Variants in DMXL2 observed in about 807,000 individuals in gnomAD.
The protein encoded by DMXL2 is dmX-like protein 2.
DMXL2 carries 103 observed loss-of-function variants against 331.1 expected under a neutral mutation model. That is an observed-to-expected ratio of 0.31 (90% CI 0.27 to 0.37). The LOEUF (loss-of-function observed/expected upper bound fraction) is 0.37. Ranked by LOEUF, DMXL2 falls within the 10% of genes least tolerant of loss-of-function variation. DMXL2 has a pLI of 1.00. For missense variants in DMXL2, 3,171 were observed against 3,642.9 expected (o/e 0.87, Z 3.33); for synonymous variants, 1,281 against 1,252.1 (o/e 1.02, Z -0.49).
At chr15:51,519,291 A>AT (rs1339895167) in intron 13 of DMXL2, among the ~76,000 whole-genome samples, 4 of 151,700 alleles carry the variant, frequency 2.6e-5, no homozygotes, top group Non-Finnish European at 5.9e-5. Context: ...AAATTTTTTA[A>AT]TTTTTTTGTA....
chr15:51,571,802 T>C (rs2141101347), intron 2 of DMXL2, among the ~76,000 whole-genome samples: 1 of 152,180 alleles, frequency 6.6e-6, no homozygotes, highest in Middle Eastern at 3.4e-3. Flanking sequence ...TAGAGGGAAA[T>C]TTATAGCACT....
rs1020469416 is a variant in DMXL2, at chr15:51,558,867, T to C, written c.567+4514A>G. Among the ~76,000 whole-genome samples the C allele has an allele frequency of 4.6e-5, 7 of 152,254 alleles. No individual in the cohort carries two copies. In the East Asian group the frequency reaches 1.2e-3, roughly 25 times the overall value. On this transcript the variant is annotated intron_variant, in intron 6 of 43. Transcript: ENST00000560891. ...ATTTTTGTTACCGAATGCATTAATT[T>C]AAAAGTACATAATGTCTCTATCACA...
chr15:51,592,638 A>G (rs1022553476), intron 1 of DMXL2, among the ~76,000 whole-genome samples: 3 of 152,236 alleles, frequency 2.0e-5, no homozygotes, highest in Admixed American at 6.5e-5. Flanking sequence ...AGTTGAAATG[A>G]AGGAAAAAAT....
chr15:51,612,726 C>G (rs1475451167), intron 1 of DMXL2, among the ~76,000 whole-genome samples: 1 of 152,164 alleles, frequency 6.6e-6, no homozygotes, highest in Non-Finnish European at 1.5e-5. Context: ...TTCGGGCATG[C>G]ATTGTCATTG....
rs1445348787 is a variant in DMXL2, at chr15:51,542,390, G to A, written c.1048C>T (p.His350Tyr). 6.2e-7 allele frequency: 1 copy of A among 1,613,850 alleles called. No homozygotes were observed. The highest frequency in any genetic ancestry group is 8.5e-7 in the Non-Finnish European group (1 of 1,179,852). Reference sequence around the variant, plus strand: ...AAATGACAGAGTGCATTTGCATGGTGGGAAATGTGTCTTTGAACTTCATGC... The same window carrying A: ...AAATGACAGAGTGCATTTGCATGGTAGGAAATGTGTCTTTGAACTTCATGC... ...AMHEVQRHISHHANALCHFHI... is the reference protein window; with the variant it reads ...AMHEVQRHISYHANALCHFHI... Residue 350 changes from histidine (H) to tyrosine (Y), a missense_variant, in exon 9 of 44, where the codon CAC (histidine) becomes TAC (tyrosine). This residue lies in a region of DMXL2 where 1,674 missense variants were observed against 1,780.2 expected (regional missense o/e 0.94). Coordinates refer to ENST00000560891, the MANE Select transcript of DMXL2 (RefSeq NM_001378457.1).
rs372403945 is a variant in DMXL2, at chr15:51,614,630, C to T, written c.87+7829G>A. On this transcript the variant is annotated intron_variant, in intron 1 of 43. Transcript: ENST00000560891. The stretch of plus-strand genomic sequence containing the variant: ...ACCAAGAAGTATTATAAAAAAATAG[C>T]CTTATGAAAAGATCACTGTTTTTAC... Among the ~76,000 whole-genome samples the T allele has an allele frequency of 1.1e-4, 17 of 152,196 alleles. No homozygotes were observed. In the South Asian group the frequency reaches 3.3e-3, roughly 30 times the overall value.
chr15:51,598,354 T>C (rs187324246), intron 1 of DMXL2, among the ~76,000 whole-genome samples: 1 of 152,324 alleles, frequency 6.6e-6, no homozygotes, highest in East Asian at 1.9e-4. Context: ...CAGGCATGAT[T>C]CCTTTTTATT....
In DMXL2 at chr15:51,491,678, G is replaced by A. The variant is rs1191711577; in HGVS notation, c.4853C>T (p.Pro1618Leu). ...CTGGGGGTCCCCTCTCTGAATTGCT[G>A]GAATCATATTAATCAGTTCTTCTTC... ...EAEEELINMI[P>L]AIQRGDPQWS... The change falls in exon 20 of 44, where the codon CCA becomes CTA. Residue 1618 changes from proline (P) to leucine (L), a missense_variant. Physicochemically the swap from Pro to Leu is moderately conservative, Grantham distance 98. Transcript: ENST00000560891. 6.2e-7 allele frequency: 1 copy of A among 1,613,622 alleles called. No individual in the cohort carries two copies. Among genetic ancestry groups the A allele is most frequent in the South Asian group, 1.1e-5 (1 of 90,990 alleles).
chr15:51,583,124 T>G (rs1365546534), intron 1 of DMXL2, among the ~76,000 whole-genome samples: 1 of 140,184 alleles, frequency 7.1e-6, no homozygotes, highest in African/African-American at 2.6e-5. Flanking sequence ...TTTTTTTCTT[T>G]TTTTTTTTTT....
intron 15 of DMXL2, among the ~76,000 whole-genome samples, chr15:51,512,382 G>A (rs541286993): frequency 1.3e-5 from 2 of 152,084 alleles, no homozygotes; most frequent in South Asian, 4.2e-4. Flanking sequence ...TTAGACAACT[G>A]GAAGAAATAT....
chr15:51,449,336 T>A, intron 43 of DMXL2, 143 bp from the exon 44 acceptor site: 1 of 690,574 alleles, frequency 1.4e-6, no homozygotes, highest in Non-Finnish European at 2.4e-6. Context: ...CTTATCTAAG[T>A]GGGAAATGAT....
intron 8 of DMXL2, among the ~76,000 whole-genome samples, chr15:51,543,086 A>T (rs1439805756): frequency 6.6e-6 from 1 of 152,168 alleles, no homozygotes; most frequent in Non-Finnish European, 1.5e-5. Flanking sequence ...CAATTTGGAT[A>T]TGTTTAAATA....
At chr15:51,450,663 GGTGA>G in intron 42 of DMXL2, 1 of 350,724 alleles carries the variant, frequency 2.9e-6, no homozygotes, top group Non-Finnish European at 5.5e-6. Context: ...TCTCAAAGTT[GGTGA>G]GTATTAACCC....
chr15:51,532,765 GA>G (rs2048075995), intron 13 of DMXL2, among the ~76,000 whole-genome samples: 1 of 152,098 alleles, frequency 6.6e-6, no homozygotes, highest in African/African-American at 2.4e-5. Context: ...AAGAAGGCAA[GA>G]ACATCCAATC....
chr15:51,558,632 C>T (rs139046462), intron 6 of DMXL2, among the ~76,000 whole-genome samples: 25 of 152,282 alleles, frequency 1.6e-4, no homozygotes, highest in African/African-American at 5.3e-4. Flanking sequence ...GTTCATGCAA[C>T]CGTTAAGCAA....
chr15:51,609,015 G>A (rs2141380995), intron 1 of DMXL2, among the ~76,000 whole-genome samples: 1 of 152,274 alleles, frequency 6.6e-6, no homozygotes, highest in East Asian at 1.9e-4. Context: ...TAAGCAGGAA[G>A]GGAGTTAAAA....
intron 28 of DMXL2, among the ~76,000 whole-genome samples, chr15:51,472,937 T>C (rs1756111397): frequency 6.6e-6 from 1 of 152,170 alleles, no homozygotes; most frequent in South Asian, 2.1e-4. Context: ...CTAACGCTTT[T>C]ACCATGATCC....
At chr15:51,458,366 A>C in intron 36 of DMXL2, 140 bp downstream of exon 36, 2 of 818,078 alleles carry the variant, frequency 2.4e-6, no homozygotes, top group African/African-American at 3.4e-5. Flanking sequence ...TTTCACTGGC[A>C]GCTAAACCAA....
chr15:51,463,859 C>A (rs1376180519), intron 32 of DMXL2, among the ~76,000 whole-genome samples: 1 of 151,970 alleles, frequency 6.6e-6, no homozygotes, highest in Non-Finnish European at 1.5e-5. Context: ...CCGATTCTAA[C>A]AGCCTAACAA....
Sources: allele counts gnomAD v4.1 joint callset (sites outside exome capture counted in the v4.1 genomes callset), GRCh38; gene constraint gnomAD v4.1.1; regional missense constraint gnomAD v4.1.1; transcripts MANE v1.5; gene names NCBI Gene and HGNC (gene_info 2026-07-23, HGNC 2026-07-21).